TYK2: variants seen among roughly 807,000 people sequenced by gnomAD.
TYK2 encodes tyrosine kinase 2.
A neutral mutation model predicts 130.9 loss-of-function variants in TYK2; 65 were observed. The observed-to-expected ratio is 0.50, with a 90% confidence interval of 0.41 to 0.61. TYK2 has a LOEUF of 0.61. Ranked by LOEUF, TYK2 falls within the 20% of genes least tolerant of loss-of-function variation. The pLI is 0.00. For synonymous variants in TYK2, 647 were observed against 658.9 expected (o/e 0.98, Z 0.28); for missense variants, 1,378 against 1,610.7 (o/e 0.86, Z 2.47).
Position 10,364,462 on chromosome 19 carries a change from T to C in TYK2, c.1367+152A>G. 1 of 863,422 alleles carries C rather than the reference T, an allele frequency of 1.2e-6. No individual in the cohort carries two copies. The highest frequency in any genetic ancestry group is 1.6e-5 in the South Asian group (1 of 61,414). The allele number at this position is 863,422 out of a possible 1,614,324, so 53.5% of individuals were successfully genotyped here. On this transcript the variant is annotated intron_variant, in intron 9 of 24. Transcript: ENST00000525621. This position sits in a 1 kb window ranked among gnomAD's most constrained non-coding sequence, Gnocchi z 4.9. Reference sequence around the variant, plus strand: ...CCGGGAGGCGGAGGCTGCAGTGAGCTGAGATCATGCCACTGCACTCCAGTT... The same window carrying C: ...CCGGGAGGCGGAGGCTGCAGTGAGCCGAGATCATGCCACTGCACTCCAGTT...
chr19:10,353,987 C>G lies in TYK2; in HGVS notation c.2908+55G>C, dbSNP rs761349732. The G allele has an allele frequency of 1.2e-4, 183 of 1,578,930 alleles. No homozygotes were observed. Among genetic ancestry groups the G allele is most frequent in the Non-Finnish European group, 1.5e-4 (178 of 1,151,238 alleles). On this transcript the variant is annotated intron_variant, in intron 20 of 24. Transcript: ENST00000525621. The surrounding 1 kb of genome is among the most constrained non-coding windows in gnomAD (Gnocchi z 6.9). ...GACTGGCCCCGCCCACAAGGCCACA[C>G]CCACGCTCTAACCACGCCCCCTCAA...
In TYK2 at chr19:10,365,801, G is replaced by C; in HGVS notation, c.727C>G (p.Arg243Gly). 6.2e-7 allele frequency: 1 copy of C among 1,612,148 alleles called. No homozygotes were observed. Among genetic ancestry groups the C allele is most frequent in the Non-Finnish European group, 8.5e-7 (1 of 1,179,670 alleles). The change falls in exon 7 of 25, where the codon CGG becomes GGG. Residue 243 changes from arginine (R) to glycine (G), a missense_variant. Transcript: ENST00000525621. ...RLRNVFRRFLRDFQPGRLSQQ... is the reference protein window; with the variant it reads ...RLRNVFRRFLGDFQPGRLSQQ... ...GAGAGTCGGCCCGGCTGGAAGTCCC[G>C]CAGGAACCTGCGGAAGACGTTCCGA...
rs1237564864 is a variant in TYK2 at position 10,361,268 on chromosome 19, G to A, written c.2047+243C>T. The A allele has an allele frequency of 6.5e-6, 4 of 614,134 alleles. No homozygotes were observed. In the Admixed American group the frequency reaches 1.0e-4, roughly 15 times the overall value. 38.0% of individuals were successfully genotyped at this position (614,134 alleles called of 1,614,324 possible). A position where few individuals can be genotyped will look rare whatever the true frequency, so the allele number is the denominator to read the frequency against. Reference sequence around the variant, plus strand: ...TGGGGATGTAGTTGGGAATCAGGGTGGGGGTTGAGACTGAGGGCAGGTGAG... The same window carrying A: ...TGGGGATGTAGTTGGGAATCAGGGTAGGGGTTGAGACTGAGGGCAGGTGAG... On this transcript the variant is annotated intron_variant, in intron 14 of 24. Coordinates refer to ENST00000525621, the MANE Select transcript of TYK2 (RefSeq NM_003331.5). This position sits in a 1 kb window ranked among gnomAD's most constrained non-coding sequence, Gnocchi z 4.0.
At position 10,353,753 on chromosome 19, in the gene TYK2, AC is replaced by A; in HGVS notation, c.2909-108del. 2 of 804,082 alleles carry A rather than the reference AC, an allele frequency of 2.5e-6. No individual in the cohort carries two copies. Among genetic ancestry groups the A allele is most frequent in the Non-Finnish European group, 3.8e-6 (2 of 520,990 alleles). The allele number at this position is 804,082 out of a possible 1,614,324, so 49.8% of individuals were successfully genotyped here. On this transcript the variant is annotated intron_variant, in intron 20 of 24. Transcript: ENST00000525621. This position sits in a 1 kb window ranked among gnomAD's most constrained non-coding sequence, Gnocchi z 6.9. ...TCCAAGGTCGGGAGGGAAGGCCAAG[AC>A]CCGCGCACACTAGACCCAGTTCTCA...
chr19:10,369,481 CTG>C (rs1417179895), intron 3 of TYK2, among the ~76,000 whole-genome samples: 2 of 152,144 alleles, frequency 1.3e-5, no homozygotes, highest in Non-Finnish European at 2.9e-5. Context: ...ACCTCAATCT[CTG>C]GAGTTGATGG....
At chr19:10,356,951 C>A in intron 17 of TYK2, 1 of 581,268 alleles carries the variant, frequency 1.7e-6, no homozygotes, top group Non-Finnish European at 3.1e-6. Flanking sequence ...CACAGTCAGC[C>A]TCCTGCCCCA....
Position 10,365,649 on chromosome 19 carries a change from G to A in TYK2, c.879C>T (p.Ile293=), listed in dbSNP as rs375414145. The A allele has an allele frequency of 4.6e-5, 74 of 1,613,570 alleles. No individual in the cohort carries two copies. The highest frequency in any genetic ancestry group is 1.6e-4 in the Middle Eastern group (1 of 6,084). ...LAQAEGEPCY[I]RDSGVAPTDP... ...CTGTAGGGGCCACCCCACTGTCCCG[G>A]ATGTAGCAGGGCTCCCCCTCGGCCT... is the stretch of plus-strand genomic sequence containing the variant. Residue 293 remains isoleucine, a synonymous_variant, in exon 7 of 25, where the codon ATC becomes ATT. Coordinates refer to ENST00000525621, the MANE Select transcript of TYK2 (RefSeq NM_003331.5).
chr19:10,354,697 C>T, intron 18 of TYK2, 88 bp from the exon 19 acceptor site: 2 of 1,077,034 alleles, frequency 1.9e-6, no homozygotes, highest in Non-Finnish European at 2.9e-6. Flanking sequence ...GCCACAGCTA[C>T]CCCAGGATCC....
intron 3 of TYK2, among the ~76,000 whole-genome samples, chr19:10,375,828 G>A (rs1220466326): frequency 1.3e-5 from 2 of 151,532 alleles, no homozygotes; most frequent in African/African-American, 2.4e-5. Flanking sequence ...TCGGGAGGCT[G>A]AGGCCGGAGA....
chr19:10,365,370 G>A (rs1240004418), intron 7 of TYK2, 147 bp downstream of exon 7: 8 of 1,272,320 alleles, frequency 6.3e-6, no homozygotes, highest in Non-Finnish European at 7.7e-6. Context: ...CCTTCTCCAA[G>A]AAACTGGCCC....
Position 10,365,645 on chromosome 19 carries a change from C to G in TYK2, c.883G>C (p.Asp295His). The change falls in exon 7 of 25, where the codon GAC becomes CAC. Residue 295 changes from aspartate (D) to histidine (H), a missense_variant. Physicochemically the swap from Asp to His is moderately conservative, Grantham distance 81. Transcript: ENST00000525621. ...QAEGEPCYIR[D>H]SGVAPTDPGP... ...GGGTCTGTAGGGGCCACCCCACTGT[C>G]CCGGATGTAGCAGGGCTCCCCCTCG... 1 of 1,613,764 alleles carries G rather than the reference C, an allele frequency of 6.2e-7. No homozygotes were observed. The highest frequency in any genetic ancestry group is 1.3e-5 in the African/African-American group (1 of 75,064).
chr19:10,358,359 G>A (rs1483572863), intron 15 of TYK2, among the ~76,000 whole-genome samples: 2 of 142,776 alleles, frequency 1.4e-5, no homozygotes, highest in Non-Finnish European at 1.5e-5. Flanking sequence ...GGAGTATAGT[G>A]GCACGAACAT....
Position 10,368,123 on chromosome 19 carries a change from A to G in TYK2, c.397T>C (p.Ser133Pro), listed in dbSNP as rs751242030. 1.9e-6 allele frequency: 3 copies of G among 1,613,956 alleles called. No individual in the cohort carries two copies. The highest frequency in any genetic ancestry group is 2.5e-6 in the Non-Finnish European group (3 of 1,179,994). The change falls in exon 5 of 25, where the codon TCC (serine) becomes CCC (proline). Residue 133 changes from serine (S) to proline (P), a missense_variant. By Grantham distance (74) the Ser-to-Pro change is moderately conservative. Coordinates refer to ENST00000525621, the MANE Select transcript of TYK2 (RefSeq NM_003331.5). ...ATCCCCTGTGCTGTCTGATCTGAGG[A>G]TGCCTCGGTTCCTGGGGGCCCACAA... ...YRCGPPGTEASSDQTAQGMQL... is the reference protein window; with the variant it reads ...YRCGPPGTEAPSDQTAQGMQL...
chr19:10,365,421 A>G, intron 7 of TYK2, 96 bp downstream of exon 7: 1 of 1,577,980 alleles, frequency 6.3e-7, no homozygotes, highest in Non-Finnish European at 8.6e-7. Flanking sequence ...GAGAGGGCTC[A>G]GGTCAGCCAC....
chr19:10,353,774 T>C lies in TYK2; in HGVS notation c.2909-128A>G. The stretch of plus-strand genomic sequence containing the variant: ...CAAGACCCGCGCACACTAGACCCAG[T>C]TCTCAGGTGGGATGGACCCATCCAG... On this transcript the variant is annotated intron_variant, in intron 20 of 24. Transcript: ENST00000525621. The surrounding 1 kb of genome is among the most constrained non-coding windows in gnomAD (Gnocchi z 6.9). The C allele has an allele frequency of 2.7e-6, 2 of 728,870 alleles. No homozygotes were observed. Among genetic ancestry groups the C allele is most frequent in the South Asian group, 3.8e-5 (2 of 52,858 alleles). 45.2% of individuals were successfully genotyped at this position (728,870 alleles called of 1,614,324 possible). A position where few individuals can be genotyped will look rare whatever the true frequency, so the allele number is the denominator to read the frequency against.
intron 14 of TYK2, among the ~76,000 whole-genome samples, chr19:10,360,746 TTTTTA>T (rs2041360430): frequency 1.3e-5 from 2 of 151,678 alleles, no homozygotes; most frequent in South Asian, 4.2e-4. Flanking sequence ...AGGGCTTTAT[TTTTTA>T]TTTATTTATT....
At chr19:10,363,224 C>G (rs1016995640) in intron 9 of TYK2, among the ~76,000 whole-genome samples, 1 of 141,414 alleles carries the variant, frequency 7.1e-6, no homozygotes, top group South Asian at 2.2e-4. Flanking sequence ...GGGTCTTGCT[C>G]TGTTGCCCAG....
intron 14 of TYK2, among the ~76,000 whole-genome samples, chr19:10,360,676 G>GCA (rs368533583): frequency 0.029 from 4,248 of 147,890 alleles, 185 homozygotes; most frequent in African/African-American, 0.097. Context: ...TGGGGGAGAT[G>GCA]CACACACACA....
chr19:10,379,328 C>G (rs1196356780), intron 2 of TYK2, among the ~76,000 whole-genome samples: 2 of 150,286 alleles, frequency 1.3e-5, no homozygotes, highest in Admixed American at 6.7e-5. Context: ...GACCCTGACT[C>G]TAAAAATATA....
Sources: allele counts gnomAD v4.1 joint callset (sites outside exome capture counted in the v4.1 genomes callset), GRCh38; gene constraint gnomAD v4.1.1; non-coding constraint Gnocchi (gnomAD v3.1); transcripts MANE v1.5; gene names NCBI Gene and HGNC (gene_info 2026-07-23, HGNC 2026-07-21).